Variants in FBXW10 observed in about 807,000 individuals in gnomAD.
FBXW10 encodes the protein F-box and WD repeat domain containing 10.
A neutral mutation model predicts 113.1 loss-of-function variants in FBXW10; 68 were observed. The observed-to-expected ratio is 0.60, with a 90% CI of 0.49 to 0.74. The LOEUF is 0.74. Among genes scored for constraint, FBXW10 ranks in the 30% least tolerant of loss-of-function variants. The pLI is 0.00. For synonymous variants in FBXW10, 289 were observed against 481.6 expected, an observed-to-expected ratio of 0.60 and a Z score of 5.24; for missense variants, 753 against 1,284.5, an observed-to-expected ratio of 0.59 and a Z score of 6.32.
chr17:18,763,560 A>G (rs944478426), intron 7 of FBXW10, among the ~76,000 whole-genome samples: 4 of 152,022 alleles, frequency 2.6e-5, no homozygotes, highest in African/African-American at 4.8e-5. Flanking sequence ...TGGCCCTGGG[A>G]ATGGACTTCA....
At chr17:18,769,078 G>A (rs2035559090) in intron 10 of FBXW10, among the ~76,000 whole-genome samples, 1 of 151,232 alleles carries the variant, frequency 6.6e-6, no homozygotes, top group African/African-American at 2.4e-5. Flanking sequence ...TGGGACTACA[G>A]GCGCCCACCA....
At chr17:18,771,264 C>A (rs1006437702) in intron 11 of FBXW10, among the ~76,000 whole-genome samples, 1 of 152,174 alleles carries the variant, frequency 6.6e-6, no homozygotes, top group Non-Finnish European at 1.5e-5. Flanking sequence ...AAACAAGTTA[C>A]TTTTCTAGAG....
At position 18,778,611 on chromosome 17, in the gene FBXW10, C is replaced by T. The variant is rs540915504; in HGVS notation, c.2472C>T (p.His824=). The T allele has an allele frequency of 3.4e-5, 55 of 1,613,844 alleles. No individual in the cohort carries two copies. Among genetic ancestry groups the T allele is most frequent in the Admixed American group, 1.3e-4 (8 of 59,994 alleles). The part of the protein sequence containing the change: ...QFLLTVSALQ[H]AHNSGEFAYP... ...TCCTGACTGTTAGCGCCCTGCAGCACGCCCATAATTCCGGGGAATTTGCCT... is the reference window on the plus strand; with the variant it reads ...TCCTGACTGTTAGCGCCCTGCAGCATGCCCATAATTCCGGGGAATTTGCCT... The change falls in exon 14 of 14, where the codon CAC becomes CAT. Residue 824 remains histidine (H), a synonymous_variant. Coordinates refer to ENST00000395665, the MANE Select transcript of FBXW10 (RefSeq NM_001267585.2).
rs756843209 is a variant in FBXW10 at position 18,772,442 on chromosome 17, C to T, written c.2037C>T (p.Leu679=). Residue 679 remains leucine, a synonymous_variant, in exon 12 of 14, where the codon CTC becomes CTT. Transcript: ENST00000395665. ...RMVVNTESNV[L]MFQFEHIKWQ... is the part of the protein sequence containing the mutation. ...TGGTCAACACAGAGAGCAATGTTCTCATGTTCCAGTTTGAGCACATAAAGT... is the reference window on the plus strand; with the variant it reads ...TGGTCAACACAGAGAGCAATGTTCTTATGTTCCAGTTTGAGCACATAAAGT... 4 of 1,614,094 alleles carry T rather than the reference C, an allele frequency of 2.5e-6. No homozygotes were observed. Among genetic ancestry groups the T allele is most frequent in the Middle Eastern group, 1.6e-4 (1 of 6,062 alleles).
intron 7 of FBXW10, among the ~76,000 whole-genome samples, chr17:18,760,623 G>A (rs955243580): frequency 6.6e-6 from 1 of 152,182 alleles, no homozygotes; most frequent in Non-Finnish European, 1.5e-5. Context: ...GACTAACATG[G>A]AGAAACCCCG....
chr17:18,763,018 G>A (rs1001611443), intron 7 of FBXW10, among the ~76,000 whole-genome samples: 2 of 148,862 alleles, frequency 1.3e-5, no homozygotes, highest in Non-Finnish European at 3.0e-5. Context: ...TAGGCTCTGA[G>A]AAACTGGTAA....
chr17:18,754,988 C>T (rs866957769), intron 5 of FBXW10, among the ~76,000 whole-genome samples: 4 of 152,158 alleles, frequency 2.6e-5, no homozygotes, highest in Non-Finnish European at 4.4e-5. Flanking sequence ...GCAGGCTGGG[C>T]GTGGTGGCTC....
intron 11 of FBXW10, 117 bp from the exon 12 acceptor site, chr17:18,772,295 G>T: frequency 1.1e-6 from 1 of 933,186 alleles, no homozygotes; most frequent in Non-Finnish European, 1.7e-6. Context: ...TAGTCTGTTT[G>T]GTCATCACCT....
rs939840829 is a variant in FBXW10, at chr17:18,775,189, G to T, written c.2332G>T (p.Asp778Tyr). 1 of 1,603,008 alleles carries T rather than the reference G, an allele frequency of 6.2e-7. No homozygotes were observed. Among genetic ancestry groups the T allele is most frequent in the Non-Finnish European group, 8.5e-7 (1 of 1,169,948 alleles). The change falls in exon 13 of 14, where the codon GAT becomes TAT. Residue 778 changes from aspartate (D) to tyrosine (Y), a missense_variant. By Grantham distance (160) the Asp-to-Tyr change is radical. Coordinates refer to ENST00000395665, the MANE Select transcript of FBXW10 (RefSeq NM_001267585.2). ...AGGAAAGTCAAAATCACCCCGAAGAGATGGTAAGAAGAGAGTTTATTCTGT... is the reference window on the plus strand; with the variant it reads ...AGGAAAGTCAAAATCACCCCGAAGATATGGTAAGAAGAGAGTTTATTCTGT... ...SQGKSKSPRR[D>Y]ADDVEKAQKQ... is the part of the protein sequence containing the mutation.
chr17:18,752,670 G>A (rs1360978841), intron 5 of FBXW10, among the ~76,000 whole-genome samples: 8 of 149,902 alleles, frequency 5.3e-5, no homozygotes, highest in African/African-American at 2.0e-4. Flanking sequence ...CCGAGATTGC[G>A]CCACTGCACT....
chr17:18,763,225 C>T (rs1472882256), intron 7 of FBXW10, among the ~76,000 whole-genome samples: 7 of 151,476 alleles, frequency 4.6e-5, no homozygotes, highest in African/African-American at 1.7e-4. Context: ...GGCGCCATCT[C>T]GGCTCACTGC....
intron 7 of FBXW10, among the ~76,000 whole-genome samples, chr17:18,762,792 A>G (rs1389815466): frequency 6.6e-6 from 1 of 151,192 alleles, no homozygotes; most frequent in Non-Finnish European, 1.5e-5. Context: ...ACTGAGCATA[A>G]TACCTGCTGT....
chr17:18,754,279 G>C (rs528839933), intron 5 of FBXW10, among the ~76,000 whole-genome samples: 1 of 152,130 alleles, frequency 6.6e-6, no homozygotes, highest in Non-Finnish European at 1.5e-5. Flanking sequence ...AAGGGCCAAT[G>C]AATTCTCACC....
chr17:18,777,197 G>C (rs186076610), intron 13 of FBXW10, among the ~76,000 whole-genome samples: 111 of 151,742 alleles, frequency 7.3e-4, no homozygotes, highest in African/African-American at 2.5e-3. Flanking sequence ...CAGTAGCTAG[G>C]ATTACAGGCG....
chr17:18,769,036 C>T (rs1366650006), intron 10 of FBXW10, among the ~76,000 whole-genome samples: 4 of 147,976 alleles, frequency 2.7e-5, no homozygotes, highest in Admixed American at 1.4e-4. Context: ...CCTGGGTTCA[C>T]GCTATTCTCC....
At chr17:18,765,366 T>G (rs1457420779) in intron 8 of FBXW10, among the ~76,000 whole-genome samples, 2 of 152,214 alleles carry the variant, frequency 1.3e-5, no homozygotes, top group African/African-American at 4.8e-5. Flanking sequence ...CTTACATAGT[T>G]AGGGCTAACC....
chr17:18,762,609 A>G (rs2035408524), intron 7 of FBXW10, among the ~76,000 whole-genome samples: 1 of 152,136 alleles, frequency 6.6e-6, no homozygotes, highest in Non-Finnish European at 1.5e-5. Flanking sequence ...GGCATGAGCC[A>G]CCACGCCCGG....
chr17:18,774,155 G>A (rs2151832033), intron 12 of FBXW10, among the ~76,000 whole-genome samples: 2 of 152,018 alleles, frequency 1.3e-5, no homozygotes, highest in South Asian at 4.2e-4. Context: ...CTGTAAAGAG[G>A]TGACAATCAC....
chr17:18,749,293 C>T (rs1009888139), intron 2 of FBXW10, among the ~76,000 whole-genome samples: 1 of 152,060 alleles, frequency 6.6e-6, no homozygotes, highest in Non-Finnish European at 1.5e-5. Context: ...AATCCCAGCA[C>T]TCTGGGAGGC....
Sources: gnomAD v4.1 joint callset for allele counts (sites outside exome capture counted in the v4.1 genomes callset) on GRCh38, gnomAD v4.1.1 for gene constraint, MANE v1.5 for transcripts, NCBI Gene and HGNC (gene_info 2026-07-23, HGNC 2026-07-21) for gene names.